Variants in PRR16 observed in about 807,000 individuals in gnomAD.
The protein encoded by PRR16 is proline rich 16, also known as protein Largen.
Under a neutral mutation model 18.2 loss-of-function variants are expected in PRR16, and 6 were observed. The observed-to-expected ratio is 0.33, with a 90% confidence interval of 0.18 to 0.65. The LOEUF is 0.65. Among genes scored for constraint, PRR16 ranks in the 30% least tolerant of loss-of-function variants. The pLI, the probability that PRR16 is intolerant of heterozygous loss-of-function variation, is 0.74. For missense variants in PRR16, 412 were observed against 376.6 expected, an observed-to-expected ratio of 1.09 and a Z score of -0.78; for synonymous variants, 151 against 147.8, an observed-to-expected ratio of 1.02 and a Z score of -0.16.
At chr5:120,525,690 C>G (rs1751324047) in intron 1 of PRR16, among the ~76,000 whole-genome samples, 1 of 144,102 alleles carries the variant, frequency 6.9e-6, no homozygotes, top group Non-Finnish European at 1.5e-5. Flanking sequence ...GAAATTTTTA[C>G]TTGAAAGTAA....
At chr5:120,526,478 C>A (rs1240699883) in intron 1 of PRR16, among the ~76,000 whole-genome samples, 1 of 152,084 alleles carries the variant, frequency 6.6e-6, no homozygotes, top group Non-Finnish European at 1.5e-5. Context: ...CAAATCCTGG[C>A]AATAACATGA....
intron 1 of PRR16, among the ~76,000 whole-genome samples, chr5:120,683,410 G>A (rs986490568): frequency 2.0e-5 from 3 of 150,814 alleles, no homozygotes; most frequent in Non-Finnish European, 4.4e-5. Context: ...GCTGAGGTGG[G>A]AGAATTGCTT....
chr5:120,704,611 A>T, the PRR16 span, among the ~76,000 whole-genome samples: 1 of 152,164 alleles, frequency 6.6e-6, no homozygotes, highest in Non-Finnish European at 1.5e-5. Flanking sequence ...TATGAATCAT[A>T]ATCCTCCCTA....
At chr5:120,563,011 C>A (rs1752623599) in intron 1 of PRR16, among the ~76,000 whole-genome samples, 1 of 152,064 alleles carries the variant, frequency 6.6e-6, no homozygotes. Flanking sequence ...CTATTAACAT[C>A]CCTTTCTTTT....
the PRR16 span, among the ~76,000 whole-genome samples, chr5:120,696,407 C>T: frequency 6.6e-6 from 1 of 151,974 alleles, no homozygotes; most frequent in African/African-American, 2.4e-5. Flanking sequence ...CTTACCATAC[C>T]TACGTTTACT....
the PRR16 span, among the ~76,000 whole-genome samples, chr5:120,704,910 A>G: frequency 2.0e-5 from 3 of 152,200 alleles, no homozygotes; most frequent in Non-Finnish European, 2.9e-5. Context: ...TTATATTTCA[A>G]AAAGTTTACG....
rs75613588 is a variant in PRR16, at chr5:120,642,297, T to C, written c.160-43657T>C. ...CCCCTAACAGTGGTTTTTGAAGTTG[T>C]TTATAGTGGGCAGAAACCTCATTCA... is the stretch of plus-strand genomic sequence containing the variant. On this transcript the variant is annotated intron_variant, in intron 1 of 1. Coordinates refer to ENST00000407149, the MANE Select transcript of PRR16 (RefSeq NM_001300783.2). 8.4e-3 allele frequency among the ~76,000 whole-genome samples: 1,271 copies of C among 152,166 alleles called. 7 individuals carry two copies. The highest frequency in any genetic ancestry group is 0.028 in the South Asian group (133 of 4,822).
rs1372656654 is a variant in PRR16, at chr5:120,665,868, G to T, written c.160-20086G>T. ...CTGTTTTGGTTACTGTAGCCTTGTAGTATAGTTTGAAGTCAGGTAGCGTGA... is the reference window on the plus strand; with the variant it reads ...CTGTTTTGGTTACTGTAGCCTTGTATTATAGTTTGAAGTCAGGTAGCGTGA... On this transcript the variant is annotated intron_variant, in intron 1 of 1. Coordinates refer to ENST00000407149, the MANE Select transcript of PRR16 (RefSeq NM_001300783.2). 2.0e-5 allele frequency among the ~76,000 whole-genome samples: 3 copies of T among 152,238 alleles called. No homozygotes were observed. In the South Asian group the frequency reaches 6.2e-4, roughly 32 times the overall value.
the PRR16 span, among the ~76,000 whole-genome samples, chr5:120,770,994 GA>G: frequency 2.7e-5 from 4 of 146,776 alleles, no homozygotes; most frequent in Non-Finnish European, 3.0e-5. Context: ...CTATTTATTT[GA>G]ATGTCTATCT....
intron 1 of PRR16, among the ~76,000 whole-genome samples, chr5:120,633,382 T>C (rs1755122843): frequency 2.6e-5 from 4 of 152,082 alleles, no homozygotes; most frequent in Admixed American, 2.6e-4. Context: ...AATACTAAAG[T>C]TGAATGTAAA....
At chr5:120,504,521 G>T (rs138375305) in intron 1 of PRR16, among the ~76,000 whole-genome samples, 1 of 152,116 alleles carries the variant, frequency 6.6e-6, no homozygotes, top group Non-Finnish European at 1.5e-5. Context: ...ATACTGACTG[G>T]GATGACATGT....
At position 120,686,312 on chromosome 5, in the gene PRR16, G is replaced by A; in HGVS notation, c.518G>A (p.Cys173Tyr). 6.2e-7 allele frequency: 1 copy of A among 1,614,094 alleles called. No individual in the cohort carries two copies. The highest frequency in any genetic ancestry group is 1.1e-5 in the South Asian group (1 of 91,084). The part of the protein sequence containing the change: ...PNKIPNGDIC[C>Y]IPNSNLDKAP... Reference sequence around the variant, plus strand: ...AAAATTCCAAATGGAGATATCTGCTGCATACCCAACAGTAACTTGGACAAG... The same window carrying A: ...AAAATTCCAAATGGAGATATCTGCTACATACCCAACAGTAACTTGGACAAG... The change falls in exon 2 of 2, where the codon TGC (cysteine) becomes TAC (tyrosine). Residue 173 changes from cysteine (C) to tyrosine (Y), a missense_variant. Coordinates refer to ENST00000407149, the MANE Select transcript of PRR16 (RefSeq NM_001300783.2).
At chr5:120,478,135 A>G (rs1749502194) in intron 1 of PRR16, among the ~76,000 whole-genome samples, 1 of 152,180 alleles carries the variant, frequency 6.6e-6, no homozygotes, top group East Asian at 1.9e-4. Context: ...GTAGATGCTC[A>G]TTAAATGAAT....
intron 1 of PRR16, among the ~76,000 whole-genome samples, chr5:120,654,002 A>C (rs973413269): frequency 6.6e-6 from 1 of 152,048 alleles, no homozygotes; most frequent in Admixed American, 6.6e-5. Flanking sequence ...AAAGGTAGCT[A>C]GGCAAATGAC....
chr5:120,524,802 T>G (rs1400560312), intron 1 of PRR16, among the ~76,000 whole-genome samples: 7 of 152,090 alleles, frequency 4.6e-5, no homozygotes, highest in Non-Finnish European at 1.0e-4. Context: ...ACCCTATAAA[T>G]ATATACACCT....
chr5:120,688,916 C>T (rs1757178389), downstream of PRR16, among the ~76,000 whole-genome samples: 1 of 152,162 alleles, frequency 6.6e-6, no homozygotes, highest in Non-Finnish European at 1.5e-5. Flanking sequence ...AAATCCGTTT[C>T]TCTTTCTCTA....
intron 1 of PRR16, among the ~76,000 whole-genome samples, chr5:120,564,725 G>A (rs558313552): frequency 1.3e-5 from 2 of 152,118 alleles, no homozygotes; most frequent in Admixed American, 1.3e-4. Context: ...GGTGGCTCAC[G>A]CCTGTAATCC....
rs142965052 is a variant in PRR16 at position 120,504,177 on chromosome 5, C to G, written c.159+39532C>G. 2.0e-5 allele frequency among the ~76,000 whole-genome samples: 3 copies of G among 152,262 alleles called. No homozygotes were observed. In the East Asian group the frequency reaches 5.8e-4, roughly 29 times the overall value. ...CTCCTAATGCTATCCCTCCCCACTC[C>G]CGATATTTGGCAGAGGTTCAGGCTC... On this transcript the variant is annotated intron_variant, in intron 1 of 1. Coordinates refer to ENST00000407149, the MANE Select transcript of PRR16 (RefSeq NM_001300783.2).
At chr5:120,493,574 A>G (rs956593960) in intron 1 of PRR16, among the ~76,000 whole-genome samples, 37 of 152,150 alleles carry the variant, frequency 2.4e-4, no homozygotes, top group African/African-American at 8.9e-4. Flanking sequence ...TTGAAAAACT[A>G]CAGAATAAGA....
Sources: gnomAD v4.1 joint callset for allele counts (sites outside exome capture counted in the v4.1 genomes callset) on GRCh38, gnomAD v4.1.1 for gene constraint, MANE v1.5 for transcripts, NCBI Gene and HGNC (gene_info 2026-07-23, HGNC 2026-07-21) for gene names.